The following ZNF180 variants were observed in gnomAD, a reference collection of about 807,000 sequenced individuals.
ZNF180 encodes zinc finger protein 180 (HHZ168).
ZNF180 carries 11 observed loss-of-function variants against 11.8 expected under a neutral mutation model. That is an observed-to-expected ratio of 0.93 (90% CI 0.59 to 1.55). The LOEUF is 1.55. Ranked by LOEUF, ZNF180 falls within the 40% of genes most tolerant of loss-of-function variation. ZNF180 has a pLI of 0.00. For synonymous variants in ZNF180, 287 were observed against 257.7 expected, an observed-to-expected ratio of 1.11 and a Z score of -1.09; for missense variants, 773 against 781.7, an observed-to-expected ratio of 0.99 and a Z score of 0.13.
In ZNF180 at chr19:44,476,799, C is replaced by T; in HGVS notation, c.1601G>A (p.Ser534Asn). Residue 534 changes from serine (S) to asparagine (N), a missense_variant, in exon 5 of 5, where the codon AGT (serine) becomes AAT (asparagine). Transcript: ENST00000592529. ...TCTCTGATGCATAACAAGGTGAGAA[C>T]TGCGGTTAAAAGATTTTCCACATTC... is the stretch of plus-strand genomic sequence containing the variant. ...CSECGKSFNR[S>N]SHLVMHQRIH... 1 of 1,614,108 alleles carries T rather than the reference C, an allele frequency of 6.2e-7. No individual in the cohort carries two copies. Among genetic ancestry groups the T allele is most frequent in the South Asian group, 1.1e-5 (1 of 91,082 alleles).
chr19:44,499,063 G>T (rs898336862), intron 1 of ZNF180, among the ~76,000 whole-genome samples: 1 of 152,184 alleles, frequency 6.6e-6, no homozygotes, highest in Non-Finnish European at 1.5e-5. Context: ...CACAGCCTCT[G>T]TGTAGGTTCT....
Position 44,477,154 on chromosome 19 carries a change from C to T in ZNF180, c.1246G>A (p.Gly416Arg). The T allele has an allele frequency of 6.2e-7, 1 of 1,613,092 alleles. No individual in the cohort carries two copies. The highest frequency in any genetic ancestry group is 8.5e-7 in the Non-Finnish European group (1 of 1,179,206). ...GEKPYECNQC[G>R]KSFRQSYKLI... Reference sequence around the variant, plus strand: ...TTATAGCTCTGCCTGAATGACTTTCCACACTGATTGCATTCATAAGGCTTC... The same window carrying T: ...TTATAGCTCTGCCTGAATGACTTTCTACACTGATTGCATTCATAAGGCTTC... Residue 416 changes from glycine (G) to arginine (R), a missense_variant, in exon 5 of 5, where the codon GGA becomes AGA. Coordinates refer to ENST00000592529, the MANE Select transcript of ZNF180 (RefSeq NM_001278509.3).
chr19:44,483,957 T>C (rs1407778882), intron 3 of ZNF180, among the ~76,000 whole-genome samples: 1 of 151,580 alleles, frequency 6.6e-6, no homozygotes, highest in Non-Finnish European at 1.5e-5. Flanking sequence ...TTGAAAAAGT[T>C]GTCCACTTTT....
chr19:44,484,199 C>T (rs565557053), intron 3 of ZNF180, among the ~76,000 whole-genome samples, 162 bp downstream of exon 3: 73 of 152,046 alleles, frequency 4.8e-4, no homozygotes, highest in Admixed American at 1.1e-3. Flanking sequence ...GGGGTTTCAC[C>T]GTGTTAGCCA....
chr19:44,482,779 T>G (rs115924129), intron 3 of ZNF180, among the ~76,000 whole-genome samples: 1,990 of 152,352 alleles, frequency 0.013, 35 homozygotes, highest in African/African-American at 0.046. Flanking sequence ...GATTATTCAT[T>G]TAATTCTCAA....
chr19:44,484,399 C>A lies in ZNF180; in HGVS notation c.88G>T (p.Glu30Ter). The change falls in exon 3 of 5, where the codon GAG (glutamate) becomes TAG (stop). Residue 30 changes from glutamate (E) to a stop codon, truncating the protein, a stop_gained. Transcript: ENST00000592529. LOFTEE classifies it high-confidence loss of function. ...FLPQEIIIKV[E>*]GEDTGSLTIP... ...GTCAGAGACCCAGTGTCTTCTCCCT[C>A]GACTTTGATGATAATCTCTTGAGGA... The A allele has an allele frequency of 6.2e-7, 1 of 1,614,026 alleles. No individual in the cohort carries two copies. Among genetic ancestry groups the A allele is most frequent in the Non-Finnish European group, 8.5e-7 (1 of 1,179,948 alleles).
In ZNF180 at chr19:44,476,320, TCTTCCAA is replaced by T; in HGVS notation, c.*75_*81del. ...CCACATATATTGTTTTTATAGTAGT[TCTTCCAA>T]CTACATGTACTACCTTAAAATAAAT... On this transcript the variant is annotated 3_prime_UTR_variant, in exon 5 of 5. Transcript: ENST00000592529. 1 of 1,311,934 alleles carries T rather than the reference TCTTCCAA, an allele frequency of 7.6e-7. No individual in the cohort carries two copies. The highest frequency in any genetic ancestry group is 1.0e-6 in the Non-Finnish European group (1 of 972,050). 81.3% of individuals were successfully genotyped at this position (1,311,934 alleles called of 1,614,324 possible).
intron 3 of ZNF180, among the ~76,000 whole-genome samples, chr19:44,479,816 T>C (rs1485673008): frequency 6.6e-6 from 1 of 152,188 alleles, no homozygotes; most frequent in Non-Finnish European, 1.5e-5. Context: ...TTTCACACTT[T>C]GCCAGCCATA....
chr19:44,482,131 C>G (rs1970096963), intron 3 of ZNF180, among the ~76,000 whole-genome samples: 1 of 152,098 alleles, frequency 6.6e-6, no homozygotes, highest in African/African-American at 2.4e-5. Context: ...CATGGTGAAA[C>G]CCTGTCTCTA....
At position 44,477,666 on chromosome 19, in the gene ZNF180, G is replaced by C. The variant is rs1897820; in HGVS notation, c.734C>G (p.Ser245Cys). Residue 245 changes from serine (S) to cysteine (C), a missense_variant, in exon 5 of 5, where the codon TCC becomes TGC. Transcript: ENST00000592529. Reference sequence around the variant, plus strand: ...TTGAATACGGTCACTAAATCCATAGGATTTATCTTTTGTTTGAGTTCTTGT... The same window carrying C: ...TTGAATACGGTCACTAAATCCATAGCATTTATCTTTTGTTTGAGTTCTTGT... Reference protein sequence around the residue: ...QFTRTQTKDKSYGFSDRIQSF... With the variant: ...QFTRTQTKDKCYGFSDRIQSF... 0.57 allele frequency: 914,328 copies of C among 1,613,696 alleles called. 262,381 individuals carry two copies. The highest frequency in any genetic ancestry group is 0.7 in the Admixed American group (41,963 of 60,000).
intron 2 of ZNF180, among the ~76,000 whole-genome samples, chr19:44,489,297 A>AG (rs1970359110): frequency 8.1e-6 from 1 of 123,798 alleles, no homozygotes; most frequent in African/African-American, 2.8e-5. Context: ...GGAATAGAAA[A>AG]GGGGGAAAGG....
Position 44,500,335 on chromosome 19 carries a change from G to T in ZNF180, c.-104C>A, listed in dbSNP as rs1970720231. On this transcript the variant is annotated 5_prime_UTR_variant, in exon 1 of 5. Coordinates refer to ENST00000592529, the MANE Select transcript of ZNF180 (RefSeq NM_001278509.3). The stretch of plus-strand genomic sequence containing the variant: ...TGTCACCGCCTCAGTGCCTAGCACG[G>T]CTCTGCGGCAGGACGAACTCGGGTT... The T allele has an allele frequency of 4.6e-6, 7 of 1,524,782 alleles. No individual in the cohort carries two copies. The South Asian group carries it at 7.9e-5, about 17-fold the overall frequency. 94.5% of individuals were successfully genotyped at this position (1,524,782 alleles called of 1,614,324 possible). A position where few individuals can be genotyped will look rare whatever the true frequency, so the allele number is the denominator to read the frequency against.
chr19:44,497,089 AAG>A (rs1970607615), intron 2 of ZNF180, among the ~76,000 whole-genome samples, 193 bp downstream of exon 2: 2 of 152,358 alleles, frequency 1.3e-5, no homozygotes, highest in South Asian at 4.1e-4. Flanking sequence ...TCCTTCCAGA[AAG>A]AGTTATCTGG....
chr19:44,489,120 G>A (rs1242790564), intron 2 of ZNF180, among the ~76,000 whole-genome samples: 7 of 141,152 alleles, frequency 5.0e-5, no homozygotes, highest in East Asian at 2.3e-4. Flanking sequence ...CCAGCCTCCC[G>A]CCCGGCCAGC....
Position 44,479,319 on chromosome 19 carries a change from C to T in ZNF180, c.217G>A (p.Val73Met), listed in dbSNP as rs1414599077. ...AGGTCCCTGTGGTTCTCCAGGATCA[C>T]ATCTCTGTCCAGGGTCCTCTGAGCA... ...NPAQRTLDRD[V>M]ILENHRDLVS... The change falls in exon 4 of 5, where the codon GTG becomes ATG. Residue 73 changes from valine (V) to methionine (M), a missense_variant. Val to Met is a conservative substitution (Grantham distance 21). Coordinates refer to ENST00000592529, the MANE Select transcript of ZNF180 (RefSeq NM_001278509.3). The T allele has an allele frequency of 6.2e-7, 1 of 1,614,030 alleles. No homozygotes were observed. The highest frequency in any genetic ancestry group is 8.5e-7 in the Non-Finnish European group (1 of 1,179,928).
intron 3 of ZNF180, among the ~76,000 whole-genome samples, chr19:44,482,741 G>T (rs1039795815): frequency 6.6e-6 from 1 of 152,242 alleles, no homozygotes; most frequent in African/African-American, 2.4e-5. Context: ...CCACCATGGT[G>T]CCAGGCATTG....
chr19:44,488,317 C>T (rs1486754130), intron 2 of ZNF180, among the ~76,000 whole-genome samples: 4 of 151,232 alleles, frequency 2.6e-5, no homozygotes, highest in Middle Eastern at 3.2e-3. Flanking sequence ...GATGCCGAGC[C>T]GAAGCTGGAC....
rs1427557512 is a variant in ZNF180, at chr19:44,476,362, G to T, written c.*40C>A. ...CTACCTTAAAATAAATTTTTTAAAA[G>T]AATGAAATAAAAAGGAAGAAATCCC... is the stretch of plus-strand genomic sequence containing the variant. On this transcript the variant is annotated 3_prime_UTR_variant, in exon 5 of 5. Transcript: ENST00000592529. The T allele has an allele frequency of 3.3e-6, 5 of 1,506,326 alleles. No homozygotes were observed. In the African/African-American group the frequency reaches 5.6e-5, roughly 17 times the overall value. The allele number at this position is 1,506,326 out of a possible 1,614,324, so 93.3% of individuals were successfully genotyped here.
intron 2 of ZNF180, among the ~76,000 whole-genome samples, chr19:44,493,604 C>G (rs931736172): frequency 2.0e-5 from 3 of 152,180 alleles, no homozygotes; most frequent in Non-Finnish European, 2.9e-5. Context: ...AGTATTCATG[C>G]CTTTGTGTAG....
Sources: allele counts gnomAD v4.1 joint callset (sites outside exome capture counted in the v4.1 genomes callset), GRCh38; gene constraint gnomAD v4.1.1; transcripts MANE v1.5; gene names NCBI Gene and HGNC (gene_info 2026-07-23, HGNC 2026-07-21).